Variants in PARS2 observed in about 807,000 individuals in gnomAD.
The protein encoded by PARS2 is prolyl-tRNA synthetase 2, mitochondrial.
In PARS2, 20 loss-of-function variants were observed where a neutral mutation model predicts 27.4. That is an observed-to-expected ratio of 0.73 (90% CI 0.51 to 1.06). PARS2 has a LOEUF of 1.06. Ranked by LOEUF, PARS2 falls within the 50% of genes least tolerant of loss-of-function variation. PARS2 has a pLI of 0.00. For synonymous variants in PARS2, 240 were observed against 247.1 expected, an observed-to-expected ratio of 0.97 and a Z score of 0.27; for missense variants, 585 against 602.1, an observed-to-expected ratio of 0.97 and a Z score of 0.30.
chr1:54,758,905 C>T lies in PARS2; in HGVS notation c.257G>A (p.Gly86Asp). ...QVGLIYPASP[G>D]CYHLLPYTVR... ...GGTATATGGCAGGAGGTGGTAACAG[C>T]CGGGGCTTGCTGGGTAGATCAGGCC... Residue 86 changes from glycine to aspartate, a missense_variant, in exon 2 of 2, where the codon GGC becomes GAC. By Grantham distance (94) the Gly-to-Asp change is moderately conservative. Transcript: ENST00000371279. 6.2e-7 allele frequency: 1 copy of T among 1,614,210 alleles called. No homozygotes were observed. The highest frequency in any genetic ancestry group is 8.5e-7 in the Non-Finnish European group (1 of 1,180,034).
Position 54,759,106 on chromosome 1 carries a change from C to T in PARS2, c.56G>A (p.Arg19His), listed in dbSNP as rs1369337533. The T allele has an allele frequency of 2.5e-6, 4 of 1,611,324 alleles. No homozygotes were observed. The highest frequency in any genetic ancestry group is 2.2e-5 in the East Asian group (1 of 44,792). The change falls in exon 2 of 2, where the codon CGC (arginine) becomes CAC (histidine). Residue 19 changes from arginine (R) to histidine (H), a missense_variant. By Grantham distance (29) the Arg-to-His change is conservative. Transcript: ENST00000371279. ...GCAAGGAACATACCCAGAGAGCTGG[C>T]GGCTGCAGGTGGCCAGGGCGGGCAA... ...RALPALATCS[R>H]QLSGYVPCRF...
chr1:54,760,076 T>C (rs1461820061), intron 1 of PARS2, among the ~76,000 whole-genome samples: 1 of 152,124 alleles, frequency 6.6e-6, no homozygotes, highest in Non-Finnish European at 1.5e-5. Flanking sequence ...TGACGTTTTG[T>C]TGCCATCTGT....
Position 54,757,540 on chromosome 1 carries a change from G to A in PARS2, c.*194C>T. 1.8e-6 allele frequency: 1 copy of A among 546,984 alleles called. No homozygotes were observed. The highest frequency in any genetic ancestry group is 2.6e-5 in the South Asian group (1 of 38,884). The allele number at this position is 546,984 out of a possible 1,614,324, so 33.9% of individuals were successfully genotyped here. On this transcript the variant is annotated 3_prime_UTR_variant, in exon 2 of 2. Coordinates refer to ENST00000371279, the MANE Select transcript of PARS2 (RefSeq NM_152268.4). ...GGCGGCATGGCCAGTCTGGAGAAAG[G>A]GATCAAGTTAATGACTTTAAATACA...
rs140625560 is a variant in PARS2 at position 54,759,125 on chromosome 1, C to T, written c.37G>A (p.Ala13Thr). 1.6e-5 allele frequency: 26 copies of T among 1,607,750 alleles called. No homozygotes were observed. Among genetic ancestry groups the T allele is most frequent in the Non-Finnish European group, 2.0e-5 (23 of 1,175,510 alleles). Residue 13 changes from alanine (A) to threonine (T), a missense_variant, in exon 2 of 2, where the codon GCC becomes ACC. By Grantham distance (58) the Ala-to-Thr change is moderately conservative (BLOSUM62 0). Transcript: ENST00000371279. ...AGCTGGCGGCTGCAGGTGGCCAGGG[C>T]GGGCAATGCTCTGCATCTTGTCAGC... ...GLLTRCRALP[A>T]LATCSRQLSG...
At chr1:54,759,493 A>G (rs184092519) in intron 1 of PARS2, among the ~76,000 whole-genome samples, 52 of 152,262 alleles carry the variant, frequency 3.4e-4, no homozygotes, top group Middle Eastern at 6.8e-3. Context: ...AGGCCTCCCA[A>G]TGGCTGCACC....
chr1:54,760,397 CCT>C (rs779478107), intron 1 of PARS2, among the ~76,000 whole-genome samples: 1 of 152,220 alleles, frequency 6.6e-6, no homozygotes, highest in Non-Finnish European at 1.5e-5. Flanking sequence ...CTGCTCTGCT[CCT>C]CTCTGTGTCC....
chr1:54,763,275 G>T (rs893494057), intron 1 of PARS2, among the ~76,000 whole-genome samples: 1 of 152,134 alleles, frequency 6.6e-6, no homozygotes, highest in Non-Finnish European at 1.5e-5. Flanking sequence ...TATTTTTGAG[G>T]AACTATTGTG....
At position 54,758,851 on chromosome 1, in the gene PARS2, A is replaced by G. The variant is rs1344967528; in HGVS notation, c.311T>C (p.Val104Ala). 3.7e-6 allele frequency: 6 copies of G among 1,613,982 alleles called. No individual in the cohort carries two copies. Among genetic ancestry groups the G allele is most frequent in the Non-Finnish European group, 5.1e-6 (6 of 1,180,044 alleles). Reference sequence around the variant, plus strand: ...GATGGCCTGCATCTCCTGGTCTATCACTCGCACGAGCTTCTCCATGGCACG... The same window carrying G: ...GATGGCCTGCATCTCCTGGTCTATCGCTCGCACGAGCTTCTCCATGGCACG... ...TVRAMEKLVR[V>A]IDQEMQAIGG... is the part of the protein sequence containing the mutation. Residue 104 changes from valine to alanine, a missense_variant, in exon 2 of 2, where the codon GTG becomes GCG. Val to Ala is a moderately conservative substitution (Grantham distance 64, BLOSUM62 0). Coordinates refer to ENST00000371279, the MANE Select transcript of PARS2 (RefSeq NM_152268.4).
chr1:54,757,609 A>G lies in PARS2; in HGVS notation c.*125T>C. On this transcript the variant is annotated 3_prime_UTR_variant, in exon 2 of 2. Coordinates refer to ENST00000371279, the MANE Select transcript of PARS2 (RefSeq NM_152268.4). ...CTAGATAAAAATTGATTTCCCTAAC[A>G]TGATCTCACCCTCCATGAGCTGTGC... 3.2e-6 allele frequency: 2 copies of G among 618,242 alleles called. No homozygotes were observed. The highest frequency in any genetic ancestry group is 2.0e-5 in the South Asian group (1 of 48,962). 38.3% of individuals were successfully genotyped at this position (618,242 alleles called of 1,614,324 possible).
intron 1 of PARS2, among the ~76,000 whole-genome samples, chr1:54,762,383 G>A (rs1646162619): frequency 6.6e-6 from 1 of 152,086 alleles, no homozygotes; most frequent in Admixed American, 6.5e-5. Flanking sequence ...CAAGTGATCA[G>A]CCCGCCACGG....
rs1646134077 is a variant in PARS2, at chr1:54,758,361, C to T, written c.801G>A (p.Glu267=). The change falls in exon 2 of 2, where the codon GAG becomes GAA. Residue 267 remains glutamate, a synonymous_variant. Transcript: ENST00000371279. Reference sequence around the variant, plus strand: ...AGCGGGGACAGATGGCAAGCCGGTCCTCTCCAATATCCACTGGGAGCTGGA... The same window carrying T: ...AGCGGGGACAGATGGCAAGCCGGTCTTCTCCAATATCCACTGGGAGCTGGA... ...HEFQLPVDIG[E]DRLAICPRCS... is the part of the protein sequence containing the mutation. The T allele has an allele frequency of 6.2e-7, 1 of 1,614,170 alleles. No homozygotes were observed. Among genetic ancestry groups the T allele is most frequent in the African/African-American group, 1.3e-5 (1 of 75,050 alleles).
At chr1:54,763,349 G>A (rs1646167377) in intron 1 of PARS2, among the ~76,000 whole-genome samples, 1 of 152,104 alleles carries the variant, frequency 6.6e-6, no homozygotes. Context: ...GGGTGTGTAC[G>A]GGGGCCAGGA....
intron 1 of PARS2, among the ~76,000 whole-genome samples, chr1:54,762,654 A>G (rs2101413550): frequency 6.6e-6 from 1 of 152,266 alleles, no homozygotes; most frequent in East Asian, 1.9e-4. Context: ...AGCTATGTCT[A>G]TTTTATTCCA....
At chr1:54,759,552 T>C (rs1646142192) in intron 1 of PARS2, among the ~76,000 whole-genome samples, 1 of 152,198 alleles carries the variant, frequency 6.6e-6, no homozygotes, top group African/African-American at 2.4e-5. Context: ...TGTTTCTTCA[T>C]CTGTAAAATG....
chr1:54,762,304 A>G (rs925152663), intron 1 of PARS2, among the ~76,000 whole-genome samples: 2 of 151,658 alleles, frequency 1.3e-5, no homozygotes, highest in Non-Finnish European at 2.9e-5. Context: ...ATGCCCAACT[A>G]TTTTTCATAT....
intron 1 of PARS2, among the ~76,000 whole-genome samples, chr1:54,761,846 TG>T (rs1223942832): frequency 6.6e-6 from 1 of 152,186 alleles, no homozygotes; most frequent in African/African-American, 2.4e-5. Flanking sequence ...AGCCCTAGTG[TG>T]GTGTTGTAGG....
In PARS2 at chr1:54,758,403, G is replaced by GC; in HGVS notation, c.758dup (p.Thr254HisfsTer5). ...GGAGCTGGAACTCATGAGACACTGT[G>GC]CCCCCGATGGTGCCCACATCGGCCT... On this transcript the variant is annotated frameshift_variant, in exon 2 of 2. Coordinates refer to ENST00000371279, the MANE Select transcript of PARS2 (RefSeq NM_152268.4). LOFTEE classifies it high-confidence loss of function. 1.9e-6 allele frequency: 3 copies of GC among 1,614,190 alleles called. No homozygotes were observed. The highest frequency in any genetic ancestry group is 2.2e-5 in the East Asian group (1 of 44,884).
At chr1:54,762,124 G>T (rs1256423253) in intron 1 of PARS2, among the ~76,000 whole-genome samples, 2 of 149,456 alleles carry the variant, frequency 1.3e-5, no homozygotes, top group African/African-American at 4.9e-5. Flanking sequence ...CATCAGAATC[G>T]CTGGAGGGCT....
rs370064383 is a variant in PARS2 at position 54,759,107 on chromosome 1, G to A, written c.55C>T (p.Arg19Cys). The stretch of plus-strand genomic sequence containing the variant: ...CAAGGAACATACCCAGAGAGCTGGC[G>A]GCTGCAGGTGGCCAGGGCGGGCAAT... ...RALPALATCS[R>C]QLSGYVPCRF... Residue 19 changes from arginine (R) to cysteine (C), a missense_variant, in exon 2 of 2, where the codon CGC (arginine) becomes TGC (cysteine). Physicochemically the swap from Arg to Cys is radical, Grantham distance 180 (BLOSUM62 -3). Coordinates refer to ENST00000371279, the MANE Select transcript of PARS2 (RefSeq NM_152268.4). 29 of 1,611,194 alleles carry A rather than the reference G, an allele frequency of 1.8e-5. No homozygotes were observed. The highest frequency in any genetic ancestry group is 1.5e-4 in the African/African-American group (11 of 74,876).
Sources: gnomAD v4.1 joint callset for allele counts (sites outside exome capture counted in the v4.1 genomes callset) on GRCh38, gnomAD v4.1.1 for gene constraint, MANE v1.5 for transcripts, NCBI Gene and HGNC (gene_info 2026-07-23, HGNC 2026-07-21) for gene names.